The following CDH18 variants were observed in gnomAD, a reference collection of about 807,000 sequenced individuals.
The protein encoded by CDH18 is cadherin 18, also known as cadherin-18.
A neutral mutation model predicts 67.9 loss-of-function variants in CDH18; 31 were observed. The ratio of observed to expected loss-of-function variants is 0.46; its 90% confidence interval spans 0.34 to 0.62. CDH18 has a LOEUF of 0.62. Among genes scored for constraint, CDH18 ranks in the 20% least tolerant of loss-of-function variants. CDH18 has a pLI of 0.01. For missense variants in CDH18, 890 were observed against 975.5 expected (o/e 0.91, Z 1.17); for synonymous variants, 362 against 347.2 (o/e 1.04, Z -0.48).
intron 4 of CDH18, among the ~76,000 whole-genome samples, chr5:19,745,223 T>A (rs145587014): frequency 6.6e-6 from 1 of 152,332 alleles, no homozygotes; most frequent in African/African-American, 2.4e-5. Flanking sequence ...TCAATCCATA[T>A]ATTGACTTTC....
chr5:20,477,714 C>A (rs1752534039), intron 1 of CDH18, among the ~76,000 whole-genome samples: 1 of 152,168 alleles, frequency 6.6e-6, no homozygotes, highest in African/African-American at 2.4e-5. Context: ...GACAGAAGGA[C>A]TGCAATTGCT....
chr5:19,534,293 A>T (rs574982347), intron 9 of CDH18, among the ~76,000 whole-genome samples: 1 of 149,696 alleles, frequency 6.7e-6, no homozygotes, highest in South Asian at 2.1e-4. Context: ...GGAGATTAAT[A>T]CATTAAAAAA....
chr5:19,845,996 A>T (rs1782902675), intron 2 of CDH18, among the ~76,000 whole-genome samples: 1 of 151,982 alleles, frequency 6.6e-6, no homozygotes, highest in African/African-American at 2.4e-5. Flanking sequence ...TAATCCATTT[A>T]TATTTAAAGT....
chr5:20,363,222 C>T (rs1288630231), intron 1 of CDH18, among the ~76,000 whole-genome samples: 1 of 150,850 alleles, frequency 6.6e-6, no homozygotes, highest in Non-Finnish European at 1.5e-5. Context: ...CAGTGGCTCA[C>T]GCCTGTAATC....
chr5:20,324,595 A>T (rs2150012670), intron 1 of CDH18, among the ~76,000 whole-genome samples: 1 of 152,258 alleles, frequency 6.6e-6, no homozygotes, highest in African/African-American at 2.4e-5. Context: ...GACTTCTAAA[A>T]AAATCCCTCA....
At chr5:19,765,492 TA>T (rs1407605000) in intron 3 of CDH18, among the ~76,000 whole-genome samples, 1 of 152,162 alleles carries the variant, frequency 6.6e-6, no homozygotes, top group Non-Finnish European at 1.5e-5. Flanking sequence ...CCTTGTGAAT[TA>T]AACCATATTA....
At chr5:19,749,138 C>CAAG (rs1432350047) in intron 3 of CDH18, among the ~76,000 whole-genome samples, 1 of 152,010 alleles carries the variant, frequency 6.6e-6, no homozygotes, top group Non-Finnish European at 1.5e-5. Flanking sequence ...TTTCATGAAG[C>CAAG]AGACACCCGC....
In CDH18 at chr5:19,630,544, T is replaced by C. The variant is rs768443553; in HGVS notation, c.644-17943A>G. On this transcript the variant is annotated intron_variant, in intron 5 of 12. Transcript: ENST00000382275. ...GGCTTGTATTTTGTCAGGTGGTCCA[T>C]GATACTAGAGTTTGGAAGTGGCTAC... Among the ~76,000 whole-genome samples, 24 of 152,070 alleles carry C rather than the reference T, an allele frequency of 1.6e-4. 1 individual carries two copies. The highest frequency in any genetic ancestry group is 1.8e-4 in the Non-Finnish European group (12 of 67,994).
At chr5:19,527,741 A>C (rs769975044) in intron 9 of CDH18, among the ~76,000 whole-genome samples, 1 of 151,772 alleles carries the variant, frequency 6.6e-6, no homozygotes, top group South Asian at 2.1e-4. Context: ...TATTTATTCA[A>C]CTTTTGTCAG....
At chr5:20,284,483 T>C (rs1209700497) in intron 1 of CDH18, among the ~76,000 whole-genome samples, 1 of 152,052 alleles carries the variant, frequency 6.6e-6, no homozygotes, top group African/African-American at 2.4e-5. Context: ...TCTACATGCC[T>C]ACCATAATCC....
chr5:20,177,241 A>C (rs1278559847), intron 2 of CDH18, among the ~76,000 whole-genome samples: 1 of 152,046 alleles, frequency 6.6e-6, no homozygotes, highest in African/African-American at 2.4e-5. Flanking sequence ...TACTGACGCA[A>C]TTTTCCTACA....
At chr5:19,956,110 G>A (rs1021399643) in intron 2 of CDH18, among the ~76,000 whole-genome samples, 5 of 151,858 alleles carry the variant, frequency 3.3e-5, no homozygotes, top group Non-Finnish European at 7.4e-5. Flanking sequence ...TGGCATAATT[G>A]TAAGAAACAT....
chr5:20,464,443 A>C (rs1751495376), intron 1 of CDH18, among the ~76,000 whole-genome samples: 1 of 139,846 alleles, frequency 7.2e-6, no homozygotes, highest in South Asian at 2.5e-4. Flanking sequence ...GTTCATTGAG[A>C]ATTTGTACCA....
intron 2 of CDH18, among the ~76,000 whole-genome samples, chr5:19,973,632 G>A (rs753642687): frequency 6.6e-6 from 1 of 152,088 alleles, no homozygotes; most frequent in Non-Finnish European, 1.5e-5. Flanking sequence ...AGGGAAAAGG[G>A]TTCTGTTTTT....
At chr5:20,108,079 GTGTTT>G (rs1195363101) in intron 2 of CDH18, among the ~76,000 whole-genome samples, 8 of 151,408 alleles carry the variant, frequency 5.3e-5, no homozygotes, top group African/African-American at 7.3e-5. Context: ...TGTTTCTTTT[GTGTTT>G]TGTTTTGTTT....
chr5:20,280,867 C>T (rs1164511379), intron 1 of CDH18, among the ~76,000 whole-genome samples: 1 of 152,174 alleles, frequency 6.6e-6, no homozygotes, highest in Non-Finnish European at 1.5e-5. Flanking sequence ...TCTCCAGCAC[C>T]TGTTGTTTCC....
intron 2 of CDH18, among the ~76,000 whole-genome samples, chr5:19,963,382 G>T (rs1396249267): frequency 6.6e-6 from 1 of 152,068 alleles, no homozygotes; most frequent in South Asian, 2.1e-4. Flanking sequence ...TGGTTTGGCT[G>T]TGTCCCCACC....
In CDH18 at chr5:19,890,755, T is replaced by C. The variant is rs548275951; in HGVS notation, c.-256-51513A>G. The stretch of plus-strand genomic sequence containing the variant: ...GATTATAGGCGCCCACCACTATGCC[T>C]GGCTAATTTTTGTATTTTTATTAGA... On this transcript the variant is annotated intron_variant, in intron 2 of 12. Coordinates refer to ENST00000382275, the MANE Select transcript of CDH18 (RefSeq NM_004934.5). Among the ~76,000 whole-genome samples, 7 of 152,092 alleles carry C rather than the reference T, an allele frequency of 4.6e-5. No homozygotes were observed. The East Asian group carries it at 1.4e-3, about 30-fold the overall frequency.
At chr5:19,950,560 G>A (rs571428153) in intron 2 of CDH18, among the ~76,000 whole-genome samples, 276 of 152,054 alleles carry the variant, frequency 1.8e-3, no homozygotes, top group African/African-American at 6.4e-3. Context: ...TAAAAAGGAA[G>A]ATATTTCTAT....
Sources: allele counts gnomAD v4.1 joint callset (sites outside exome capture counted in the v4.1 genomes callset), GRCh38; gene constraint gnomAD v4.1.1; transcripts MANE v1.5; gene names NCBI Gene and HGNC (gene_info 2026-07-23, HGNC 2026-07-21).